JMJD1C: variants seen among roughly 807,000 people sequenced by gnomAD.
JMJD1C encodes the protein jumonji domain containing 1C.
In JMJD1C, 31 loss-of-function variants were observed where a neutral mutation model predicts 245.3. The observed-to-expected ratio is 0.13, with a 90% CI of 0.09 to 0.17. The LOEUF (loss-of-function observed/expected upper bound fraction) is 0.17, where lower values mean the gene tolerates loss of function less well. JMJD1C is among the 10% of genes least tolerant of loss of function. The probability of loss-of-function intolerance (pLI) is 1.00; values close to 1 mark genes in which losing one functional copy is unlikely to be tolerated. For missense variants in JMJD1C, 2,691 were observed against 3,000.2 expected (o/e 0.90, Z 2.41); for synonymous variants, 1,057 against 1,017.4 (o/e 1.04, Z -0.74).
At position 63,409,102 on chromosome 10, in the gene JMJD1C, GTTTAC is replaced by G. The variant is rs540423498; in HGVS notation, c.169-28625_169-28621del. ...CATTTTAGAAATAAAACTTTTAAAT[GTTTAC>G]TTTAATGTTCTCTCTTAAGTCTCAT... On this transcript the variant is annotated intron_variant, in intron 1 of 25. Coordinates refer to ENST00000399262, the MANE Select transcript of JMJD1C (RefSeq NM_032776.3). Among the ~76,000 whole-genome samples, 118 of 152,262 alleles carry G rather than the reference GTTTAC, an allele frequency of 7.7e-4. 1 individual carries two copies. The highest frequency in any genetic ancestry group is 6.0e-3 in the South Asian group (29 of 4,822).
chr10:63,280,146 A>G (rs1028738975), intron 2 of JMJD1C, among the ~76,000 whole-genome samples: 5 of 152,134 alleles, frequency 3.3e-5, no homozygotes, highest in Non-Finnish European at 7.4e-5. Context: ...GCGAGACTTC[A>G]TATCAATTTA....
chr10:63,322,899 G>A (rs1213752528), intron 2 of JMJD1C, among the ~76,000 whole-genome samples: 2 of 147,312 alleles, frequency 1.4e-5, no homozygotes, highest in Non-Finnish European at 3.0e-5. Flanking sequence ...TAATATTAAT[G>A]TAATTAATAT....
chr10:63,257,863 G>A lies in JMJD1C; in HGVS notation c.447+6788C>T, dbSNP rs1284803550. On this transcript the variant is annotated intron_variant, in intron 3 of 25. Coordinates refer to ENST00000399262, the MANE Select transcript of JMJD1C (RefSeq NM_032776.3). ...AAGAAAAAAACACTACTACAAAAACGTGTTCTATTATACACTGTCTATGGG... is the reference window on the plus strand; with the variant it reads ...AAGAAAAAAACACTACTACAAAAACATGTTCTATTATACACTGTCTATGGG... 3.3e-5 allele frequency among the ~76,000 whole-genome samples: 5 copies of A among 152,200 alleles called. No individual in the cohort carries two copies. In the East Asian group the frequency reaches 5.8e-4, roughly 18 times the overall value.
rs753822479 is a variant in JMJD1C at position 63,207,657 on chromosome 10, G to A, written c.4012C>T (p.His1338Tyr). ...RVSERSSAGA[H>Y]KTDCLKLAEA... is the part of the protein sequence containing the mutation. ...GCTAGTTTGAGGCAATCTGTTTTAT[G>A]TGCCCCAGCTGAAGATCTTTCACTA... The change falls in exon 10 of 26, where the codon CAT (histidine) becomes TAT (tyrosine). Residue 1338 changes from histidine (H) to tyrosine (Y), a missense_variant. Transcript: ENST00000399262. 3.1e-6 allele frequency: 5 copies of A among 1,614,068 alleles called. No homozygotes were observed. The highest frequency in any genetic ancestry group is 4.2e-6 in the Non-Finnish European group (5 of 1,179,998).
intron 19 of JMJD1C, among the ~76,000 whole-genome samples, chr10:63,185,966 CAA>C (rs1262242263): frequency 6.6e-6 from 1 of 152,166 alleles, no homozygotes; most frequent in Non-Finnish European, 1.5e-5. Flanking sequence ...ATTCCATTTT[CAA>C]AAGCTTATGG....
chr10:63,347,845 T>C (rs1364084574), intron 2 of JMJD1C, among the ~76,000 whole-genome samples: 1 of 151,428 alleles, frequency 6.6e-6, no homozygotes, highest in Non-Finnish European at 1.5e-5. Context: ...ACCCAGGGGG[T>C]GGAAGTTGCA....
intron 1 of JMJD1C, among the ~76,000 whole-genome samples, chr10:63,383,755 C>T (rs1289169655): frequency 2.6e-5 from 4 of 151,996 alleles, no homozygotes; most frequent in Non-Finnish European, 1.5e-5. Context: ...GTTCTTACTG[C>T]CAAAAAACGG....
intron 1 of JMJD1C, among the ~76,000 whole-genome samples, chr10:63,478,910 G>A (rs894279507): frequency 6.6e-6 from 1 of 152,078 alleles, no homozygotes; most frequent in Non-Finnish European, 1.5e-5. Flanking sequence ...AGGTTACAGC[G>A]AGCTATGGAT....
rs192079629 is a variant in JMJD1C at position 63,493,900 on chromosome 10, T to C, written n.113+27838A>G. On this transcript the variant is annotated intron_variant and non_coding_transcript_variant, in intron 1 of 3. Transcript: ENST00000633035. ...AATCCAGATCTCTGATCACATTTTT[T>C]AAAAAGAAGGAAAAAAATAAAAACA... Among the ~76,000 whole-genome samples, 872 of 152,184 alleles carry C rather than the reference T, an allele frequency of 5.7e-3. 12 individuals carry two copies. Among genetic ancestry groups the C allele is most frequent in the African/African-American group, 0.02 (821 of 41,520 alleles).
chr10:63,390,518 T>C (rs958050904), intron 1 of JMJD1C, among the ~76,000 whole-genome samples: 17 of 152,144 alleles, frequency 1.1e-4, no homozygotes, highest in Non-Finnish European at 1.3e-4. Context: ...TCTTCCTAAT[T>C]TATTCTAAGA....
intron 8 of JMJD1C, 103 bp from the exon 9 acceptor site, chr10:63,209,338 G>T (rs557876004): frequency 3.5e-6 from 3 of 859,838 alleles, no homozygotes; most frequent in South Asian, 3.5e-5. Flanking sequence ...TGGTTTATTA[G>T]TTCATTCAAA....
intron 13 of JMJD1C, 84 bp downstream of exon 13, chr10:63,197,323 GAATA>G: frequency 9.0e-7 from 1 of 1,112,714 alleles, no homozygotes. Flanking sequence ...AGGAAAGTAG[GAATA>G]AAAAAACACA....
At chr10:63,433,963 T>G (rs1270652544) in intron 1 of JMJD1C, among the ~76,000 whole-genome samples, 4 of 149,828 alleles carry the variant, frequency 2.7e-5, no homozygotes, top group Admixed American at 2.7e-4. Flanking sequence ...GTGACTAAAC[T>G]AGGAATCATT....
chr10:63,443,081 C>T (rs1045667082), intron 1 of JMJD1C, among the ~76,000 whole-genome samples: 1 of 152,166 alleles, frequency 6.6e-6, no homozygotes, highest in African/African-American at 2.4e-5. Context: ...GGCTCCCAGG[C>T]CCCCTCCTCC....
At chr10:63,257,030 T>C (rs139052035) in intron 3 of JMJD1C, among the ~76,000 whole-genome samples, 44 of 150,860 alleles carry the variant, frequency 2.9e-4, no homozygotes, top group African/African-American at 9.0e-4. Flanking sequence ...AGGTTAGGAG[T>C]TCGAGAACAT....
chr10:63,311,223 A>C (rs1939146570), intron 2 of JMJD1C, among the ~76,000 whole-genome samples: 1 of 151,612 alleles, frequency 6.6e-6, no homozygotes, highest in African/African-American at 2.4e-5. Context: ...AAAAAAAAAA[A>C]AACAAATTAG....
chr10:63,290,579 G>C (rs1215751331), intron 2 of JMJD1C, among the ~76,000 whole-genome samples: 1 of 151,992 alleles, frequency 6.6e-6, no homozygotes, highest in Non-Finnish European at 1.5e-5. Flanking sequence ...ATAAATAAAA[G>C]TAGATGGTAA....
chr10:63,357,408 C>G (rs1056734834), intron 2 of JMJD1C, among the ~76,000 whole-genome samples: 4 of 152,050 alleles, frequency 2.6e-5, no homozygotes, highest in Non-Finnish European at 5.9e-5. Context: ...CAGGTTCAAG[C>G]GATTCTCCTG....
At chr10:63,358,282 C>G in intron 2 of JMJD1C, among the ~76,000 whole-genome samples, 1 of 152,102 alleles carries the variant, frequency 6.6e-6, no homozygotes, top group Non-Finnish European at 1.5e-5. Flanking sequence ...AAAAGTTCTA[C>G]AACATCATAG....
Sources: gnomAD v4.1 joint callset for allele counts (sites outside exome capture counted in the v4.1 genomes callset) on GRCh38, gnomAD v4.1.1 for gene constraint, MANE v1.5 for transcripts, NCBI Gene and HGNC (gene_info 2026-07-23, HGNC 2026-07-21) for gene names.